Variants in ATG10 observed in about 807,000 individuals in gnomAD.
ATG10 encodes the protein autophagy related 10, also known as ubiquitin-like-conjugating enzyme ATG10.
In ATG10, 30 loss-of-function variants were observed where a neutral mutation model predicts 32.1. The ratio of observed to expected loss-of-function variants is 0.94; its 90% CI spans 0.70 to 1.27. The LOEUF (loss-of-function observed/expected upper bound fraction) is 1.27. ATG10 is among the 50% of genes most tolerant of loss of function. The probability of loss-of-function intolerance (pLI) is 0.00; values close to 1 mark genes in which losing one functional copy is unlikely to be tolerated. For missense variants in ATG10, 233 were observed against 262.3 expected, an observed-to-expected ratio of 0.89 and a Z score of 0.77; for synonymous variants, 87 against 91.5, an observed-to-expected ratio of 0.95 and a Z score of 0.28.
At chr5:81,996,010 G>A (rs1761654084) in intron 2 of ATG10, among the ~76,000 whole-genome samples, 2 of 152,104 alleles carry the variant, frequency 1.3e-5, no homozygotes, top group South Asian at 4.1e-4. Context: ...ATTCTGCTGC[G>A]ATTGCTAAAT....
At chr5:82,217,691 C>T (rs531335146) in intron 5 of ATG10, among the ~76,000 whole-genome samples, 1 of 151,916 alleles carries the variant, frequency 6.6e-6, no homozygotes, top group East Asian at 1.9e-4. Flanking sequence ...CTCAAAACAG[C>T]TGGCCATGTG....
chr5:82,202,393 T>A (rs568222367), intron 5 of ATG10, among the ~76,000 whole-genome samples: 1 of 152,284 alleles, frequency 6.6e-6, no homozygotes, highest in South Asian at 2.1e-4. Context: ...TCTGCTAGCG[T>A]CTTTTGGACT....
chr5:82,018,672 TG>T (rs1266166579), intron 2 of ATG10, among the ~76,000 whole-genome samples: 1 of 152,196 alleles, frequency 6.6e-6, no homozygotes, highest in Non-Finnish European at 1.5e-5. Context: ...CTGAACTGAC[TG>T]GCCCCTCTGT....
chr5:82,004,853 C>A (rs1047412229), intron 2 of ATG10, among the ~76,000 whole-genome samples: 2 of 152,124 alleles, frequency 1.3e-5, no homozygotes, highest in African/African-American at 4.8e-5. Context: ...AGTTGAGGAC[C>A]AGTAAACAGT....
At chr5:82,103,368 A>G (rs762716917) in intron 3 of ATG10, among the ~76,000 whole-genome samples, 9 of 152,170 alleles carry the variant, frequency 5.9e-5, no homozygotes, top group Non-Finnish European at 1.2e-4. Context: ...CAGGGACCCC[A>G]TTAAGCCAAA....
At chr5:82,242,869 C>A in intron 5 of ATG10, 1 of 446,292 alleles carries the variant, frequency 2.2e-6, no homozygotes, top group Non-Finnish European at 4.5e-6. Flanking sequence ...AATGCTGACA[C>A]ATAGGGAAAA....
chr5:81,995,261 G>C (rs1264059254), intron 2 of ATG10, among the ~76,000 whole-genome samples: 1 of 152,120 alleles, frequency 6.6e-6, no homozygotes, highest in Non-Finnish European at 1.5e-5. Flanking sequence ...CTCCCCGGTA[G>C]CTGGGACTAC....
intron 2 of ATG10, among the ~76,000 whole-genome samples, chr5:82,055,795 G>C (rs902440037): frequency 1.3e-5 from 2 of 152,172 alleles, no homozygotes; most frequent in South Asian, 4.1e-4. Flanking sequence ...CACATGTACA[G>C]TGTTCCCATG....
intron 2 of ATG10, among the ~76,000 whole-genome samples, chr5:82,006,678 T>C (rs1761994103): frequency 6.6e-6 from 1 of 152,162 alleles, no homozygotes; most frequent in African/African-American, 2.4e-5. Context: ...ATAATGTAAA[T>C]TTACCATCTT....
chr5:82,020,766 A>G (rs974088653), intron 2 of ATG10, among the ~76,000 whole-genome samples: 6 of 152,202 alleles, frequency 3.9e-5, no homozygotes, highest in African/African-American at 1.2e-4. Flanking sequence ...TTAGACCTCT[A>G]CTTGAGCTTT....
chr5:82,022,633 T>TC, intron 2 of ATG10, among the ~76,000 whole-genome samples: 1 of 151,366 alleles, frequency 6.6e-6, no homozygotes, highest in East Asian at 1.9e-4. Context: ...AGTACTCTTT[T>TC]TTTTTTTTTT....
intron 5 of ATG10, among the ~76,000 whole-genome samples, chr5:82,229,477 T>C (rs1454229013): frequency 6.6e-6 from 1 of 152,256 alleles, no homozygotes; most frequent in African/African-American, 2.4e-5. Context: ...TGCCACTTTC[T>C]TATTGGGCAA....
At chr5:82,031,645 G>A (rs1762746313) in intron 2 of ATG10, among the ~76,000 whole-genome samples, 1 of 152,252 alleles carries the variant, frequency 6.6e-6, no homozygotes, top group Non-Finnish European at 1.5e-5. Flanking sequence ...GGCATACATG[G>A]AGTAGTGAGC....
intron 2 of ATG10, among the ~76,000 whole-genome samples, chr5:81,997,543 T>C (rs6874483): frequency 0.074 from 11,337 of 152,228 alleles, 1,384 homozygotes; most frequent in African/African-American, 0.26. Flanking sequence ...TAACTAGGCT[T>C]AAATGACAGA....
At chr5:82,170,173 A>G (rs1213165581) in intron 4 of ATG10, among the ~76,000 whole-genome samples, 3 of 152,052 alleles carry the variant, frequency 2.0e-5, no homozygotes, top group African/African-American at 7.3e-5. Context: ...TAATTTTATT[A>G]ACCTGTAAGC....
At chr5:82,062,071 C>G (rs1393714359) in intron 3 of ATG10, among the ~76,000 whole-genome samples, 1 of 151,880 alleles carries the variant, frequency 6.6e-6, no homozygotes, top group African/African-American at 2.4e-5. Flanking sequence ...CTCAAGTGTT[C>G]CTCTCTCCTC....
Position 81,987,632 on chromosome 5 carries a change from AAC to A in ATG10, c.64_65del (p.His22PhefsTer6). ...CAACGTTATTGTGCAGAATTCATTA[AAC>A]ATTCACAACAGATAGGTGATAGTTG... is the stretch of plus-strand genomic sequence containing the variant. On this transcript the variant is annotated frameshift_variant, in exon 2 of 8. Coordinates refer to ENST00000282185, the MANE Select transcript of ATG10 (RefSeq NM_031482.5). LOFTEE classifies it high-confidence loss of function. The A allele has an allele frequency of 6.2e-7, 1 of 1,613,172 alleles. No homozygotes were observed. Among genetic ancestry groups the A allele is most frequent in the Non-Finnish European group, 8.5e-7 (1 of 1,179,702 alleles).
chr5:82,007,662 C>A (rs2149690249), intron 2 of ATG10, among the ~76,000 whole-genome samples: 1 of 152,192 alleles, frequency 6.6e-6, no homozygotes, highest in South Asian at 2.1e-4. Flanking sequence ...CTGTATTGCC[C>A]ATGCTGGTAT....
At chr5:82,055,953 G>T (rs1763580771) in intron 2 of ATG10, among the ~76,000 whole-genome samples, 1 of 152,186 alleles carries the variant, frequency 6.6e-6, no homozygotes, top group Non-Finnish European at 1.5e-5. Flanking sequence ...CTAGGAGCAA[G>T]CAACTATGTC....
Sources: allele counts gnomAD v4.1 joint callset (sites outside exome capture counted in the v4.1 genomes callset), GRCh38; gene constraint gnomAD v4.1.1; transcripts MANE v1.5; gene names NCBI Gene and HGNC (gene_info 2026-07-23, HGNC 2026-07-21).